PDE11A: variants seen among roughly 807,000 people sequenced by gnomAD.
The protein encoded by PDE11A is phosphodiesterase 11A, also known as dual 3',5'-cyclic-AMP and -GMP phosphodiesterase 11A.
Under a neutral mutation model 100.5 loss-of-function variants are expected in PDE11A, and 100 were observed. The observed-to-expected ratio is 1.00, with a 90% CI of 0.85 to 1.18. The LOEUF (loss-of-function observed/expected upper bound fraction) is 1.18, where lower values mean the gene tolerates loss of function less well. Ranked by LOEUF, PDE11A falls within the 50% of genes most tolerant of loss-of-function variation. The pLI is 0.00. For missense variants in PDE11A, 1,141 were observed against 1,152.6 expected (o/e 0.99, Z 0.15); for synonymous variants, 381 against 420.8 (o/e 0.91, Z 1.16).
At chr2:177,674,314 TTC>T (rs1195253161) in intron 17 of PDE11A, among the ~76,000 whole-genome samples, 1 of 152,214 alleles carries the variant, frequency 6.6e-6, no homozygotes, top group African/African-American at 2.4e-5. Flanking sequence ...CAGGAGTGTA[TTC>T]TGTCATAGTT....
At chr2:177,884,495 G>A (rs907363608) in intron 4 of PDE11A, among the ~76,000 whole-genome samples, 1 of 152,170 alleles carries the variant, frequency 6.6e-6, no homozygotes, top group Admixed American at 6.6e-5. Context: ...TGCATCTTTT[G>A]TGTTAATAGG....
At chr2:177,740,785 C>T (rs917733116) in intron 10 of PDE11A, among the ~76,000 whole-genome samples, 8 of 152,180 alleles carry the variant, frequency 5.3e-5, no homozygotes, top group South Asian at 2.1e-4. Flanking sequence ...GTGAATCTGT[C>T]TCTCATCATT....
At chr2:177,970,166 G>A (rs920598078) in intron 2 of PDE11A, among the ~76,000 whole-genome samples, 1 of 152,140 alleles carries the variant, frequency 6.6e-6, no homozygotes, top group African/African-American at 2.4e-5. Flanking sequence ...AGAAGTAGTT[G>A]AGACTCAATC....
In PDE11A at chr2:177,835,814, C is replaced by T. The variant is rs186654435; in HGVS notation, c.1500+4437G>A. 2.1e-3 allele frequency among the ~76,000 whole-genome samples: 327 copies of T among 152,328 alleles called. 1 individual carries two copies. Among genetic ancestry groups the T allele is most frequent in the African/African-American group, 6.9e-3 (286 of 41,578 alleles). On this transcript the variant is annotated intron_variant, in intron 6 of 19. Transcript: ENST00000286063. ...CCTGGGCAGTGAGGGACTTAGCACC[C>T]GGGCCAGCAGCTGCAGAGGGTGTGC...
chr2:177,791,150 A>G (rs1437017373), intron 9 of PDE11A, among the ~76,000 whole-genome samples: 6 of 152,142 alleles, frequency 3.9e-5, no homozygotes, highest in Non-Finnish European at 7.4e-5. Flanking sequence ...ATGTCCAACA[A>G]TGATAGACTG....
chr2:178,080,792 G>A (rs376872702), intron 2 of PDE11A, among the ~76,000 whole-genome samples: 8 of 151,918 alleles, frequency 5.3e-5, no homozygotes, highest in South Asian at 2.1e-4. Flanking sequence ...ACTCCCAAGA[G>A]TAACTTCCAC....
intron 2 of PDE11A, among the ~76,000 whole-genome samples, chr2:177,983,149 TTAAG>T (rs992072244): frequency 9.3e-5 from 14 of 150,162 alleles, no homozygotes; most frequent in Admixed American, 4.0e-4. Flanking sequence ...TTTGACAGTA[TTAAG>T]TAATTTAGAG....
intron 4 of PDE11A, among the ~76,000 whole-genome samples, chr2:177,893,093 C>A (rs899397793): frequency 6.6e-6 from 1 of 152,122 alleles, no homozygotes; most frequent in African/African-American, 2.4e-5. Context: ...AGACTGACAA[C>A]CTCACATTTA....
In PDE11A at chr2:177,663,963, C is replaced by T. The variant is rs374448133; in HGVS notation, c.2563-14G>A. On this transcript the variant is annotated splice_polypyrimidine_tract_variant and intron_variant, in intron 18 of 19. Transcript: ENST00000286063. ...ATCAAAAATTGCCTAGAATGGGGGG[C>T]AGGAAGAACCTCGCTTTATTACACC... The T allele has an allele frequency of 6.4e-7, 1 of 1,563,690 alleles. No individual in the cohort carries two copies.
intron 9 of PDE11A, among the ~76,000 whole-genome samples, chr2:177,802,923 G>A (rs561056415): frequency 4.0e-5 from 6 of 151,818 alleles, no homozygotes; most frequent in Non-Finnish European, 2.9e-5. Context: ...ATTTGCTAAT[G>A]AAAATGTAAC....
At chr2:177,749,591 C>T (rs1156853999) in intron 10 of PDE11A, among the ~76,000 whole-genome samples, 1 of 151,982 alleles carries the variant, frequency 6.6e-6, no homozygotes, top group Non-Finnish European at 1.5e-5. Context: ...ATACTCCAGC[C>T]AACTTTCTCA....
chr2:178,091,424 G>A (rs1342747790), intron 2 of PDE11A, among the ~76,000 whole-genome samples: 2 of 152,086 alleles, frequency 1.3e-5, no homozygotes, highest in African/African-American at 2.4e-5. Flanking sequence ...GTGAAAAGCC[G>A]CAAGGAATTG....
chr2:177,754,149 C>T (rs956443491), intron 10 of PDE11A, among the ~76,000 whole-genome samples: 15 of 152,250 alleles, frequency 9.9e-5, no homozygotes, highest in Admixed American at 7.2e-4. Flanking sequence ...GCAATGCTGA[C>T]GCATGAAGGC....
At position 178,064,864 on chromosome 2, in the gene PDE11A, A is replaced by G. The variant is rs2087024080; in HGVS notation, c.912+6662T>C. Among the ~76,000 whole-genome samples the G allele has an allele frequency of 2.6e-5, 4 of 152,030 alleles. No homozygotes were observed. The South Asian group carries it at 8.3e-4, about 32-fold the overall frequency. On this transcript the variant is annotated intron_variant, in intron 1 of 19. Coordinates refer to ENST00000286063, the MANE Select transcript of PDE11A (RefSeq NM_016953.4). ...TTCCCCTTTTTTTTTCTTCAGGAAA[A>G]AAAGATTTTTTCTCCTGAATTTGCG...
intron 10 of PDE11A, among the ~76,000 whole-genome samples, chr2:177,758,221 C>T (rs548307258): frequency 1.3e-3 from 188 of 145,982 alleles, no homozygotes; most frequent in African/African-American, 3.8e-3. Context: ...AGCATGAACC[C>T]GGGATGCGGA....
chr2:177,730,117 T>C (rs1301945599), intron 10 of PDE11A, among the ~76,000 whole-genome samples: 1 of 152,222 alleles, frequency 6.6e-6, no homozygotes, highest in Non-Finnish European at 1.5e-5. Context: ...AGGGTACATG[T>C]GCACAACGTG....
At chr2:177,928,606 A>C (rs2085163172) in intron 2 of PDE11A, among the ~76,000 whole-genome samples, 1 of 152,228 alleles carries the variant, frequency 6.6e-6, no homozygotes, top group Admixed American at 6.5e-5. Flanking sequence ...CTGAAGAATT[A>C]ACTTTGTTTA....
intron 19 of PDE11A, among the ~76,000 whole-genome samples, chr2:177,653,152 A>G (rs545171587): frequency 6.6e-6 from 1 of 152,302 alleles, no homozygotes; most frequent in African/African-American, 2.4e-5. Context: ...CTGTTTCCCT[A>G]GAGAAGATTC....
chr2:177,973,120 C>T (rs60230155), intron 2 of PDE11A, among the ~76,000 whole-genome samples: 5,617 of 151,610 alleles, frequency 0.037, 366 homozygotes, highest in African/African-American at 0.13. Context: ...CGGTCTACAG[C>T]TCCCAGCGTG....
Sources: gnomAD v4.1 joint callset for allele counts (sites outside exome capture counted in the v4.1 genomes callset) on GRCh38, gnomAD v4.1.1 for gene constraint, MANE v1.5 for transcripts, NCBI Gene and HGNC (gene_info 2026-07-23, HGNC 2026-07-21) for gene names.